Variants in CALHM5 observed in about 807,000 individuals in gnomAD.
The protein encoded by CALHM5 is calcium homeostasis modulator protein 5.
In CALHM5, 17 loss-of-function variants were observed where a neutral mutation model predicts 20.9. The observed-to-expected ratio is 0.82, with a 90% CI of 0.56 to 1.22. CALHM5 has a LOEUF of 1.22. Ranked by LOEUF, CALHM5 falls within the 50% of genes most tolerant of loss-of-function variation. CALHM5 has a pLI of 0.00. For synonymous variants in CALHM5, 148 were observed against 140.0 expected (o/e 1.06, Z -0.40); for missense variants, 360 against 364.6 (o/e 0.99, Z 0.10).
Position 116,515,697 on chromosome 6 carries a change from GT to G in CALHM5, c.643del (p.Trp215GlyfsTer23), listed in dbSNP as rs1562340341. 1 of 1,614,018 alleles carries G rather than the reference GT, an allele frequency of 6.2e-7. No individual in the cohort carries two copies. The highest frequency in any genetic ancestry group is 1.7e-5 in the Admixed American group (1 of 59,994). ...CRSKVSYLQL[S>X]FWKTYAQKEK... ...TCTAAAGTTAGCTACCTTCAGCTGAGTTTTTGGAAGACATATGCACAAAAGG... is the reference window on the plus strand; with the variant it reads ...TCTAAAGTTAGCTACCTTCAGCTGAGTTTTGGAAGACATATGCACAAAAGG... On this transcript the variant is annotated frameshift_variant, in exon 2 of 2. Transcript: ENST00000368599. LOFTEE classifies it high-confidence loss of function.
chr6:116,521,742 A>G lies in CALHM5; in HGVS notation c.*5753A>G, dbSNP rs1772347357. 1 of 152,264 alleles carries G rather than the reference A, an allele frequency of 6.6e-6. No individual in the cohort carries two copies. The highest frequency in any genetic ancestry group is 1.5e-5 in the Non-Finnish European group (1 of 68,094). The allele number at this position is 152,264 out of a possible 1,614,324, so 9.4% of individuals were successfully genotyped here. On this transcript the variant is annotated 3_prime_UTR_variant, in exon 2 of 2. Transcript: ENST00000368599. ...TACCCCTTAATCCAATCAAGTTGAC[A>G]TCTAAAATTAACCAGCACATGTGAT...
At chr6:116,515,455 A>T in intron 1 of CALHM5, 145 bp from the exon 2 acceptor site, 1 of 909,382 alleles carries the variant, frequency 1.1e-6, no homozygotes, top group Non-Finnish European at 1.6e-6. Flanking sequence ...GTGAGTTTAA[A>T]GTGTTTAAAA....
At chr6:116,512,470 G>T in intron 1 of CALHM5, 1 of 507,348 alleles carries the variant, frequency 2.0e-6, no homozygotes, top group South Asian at 3.1e-5. Context: ...AATATCCACT[G>T]GATTGTCCAC....
rs368696549 is a variant in CALHM5 at position 116,519,681 on chromosome 6, C to T, written c.*3692C>T. 3.3e-5 allele frequency: 5 copies of T among 152,188 alleles called. No individual in the cohort carries two copies. In the East Asian group the frequency reaches 5.8e-4, roughly 18 times the overall value. 9.4% of individuals were successfully genotyped at this position (152,188 alleles called of 1,614,324 possible). A position where few individuals can be genotyped will look rare whatever the true frequency, so the allele number is the denominator to read the frequency against. ...TGAAGATCTGGTCTTCTCCCTACCA[C>T]CACTACCCTATTACATAAGAGAAAA... is the stretch of plus-strand genomic sequence containing the variant. On this transcript the variant is annotated 3_prime_UTR_variant, in exon 2 of 2. Transcript: ENST00000368599.
rs1381961507 is a variant in CALHM5 at position 116,523,470 on chromosome 6, A to T, written c.*7481A>T. The T allele has an allele frequency of 6.6e-6, 1 of 152,172 alleles. No homozygotes were observed. Among genetic ancestry groups the T allele is most frequent in the Non-Finnish European group, 1.5e-5 (1 of 68,026 alleles). 9.4% of individuals were successfully genotyped at this position (152,172 alleles called of 1,614,324 possible). ...GCTTATTAATTTTATCTCTCTACTAATTCTTTTATTGTTTGTAGGGCTTTT... is the reference window on the plus strand; with the variant it reads ...GCTTATTAATTTTATCTCTCTACTATTTCTTTTATTGTTTGTAGGGCTTTT... On this transcript the variant is annotated 3_prime_UTR_variant, in exon 2 of 2. Transcript: ENST00000368599.
At chr6:116,515,240 C>G (rs1408319217) in intron 1 of CALHM5, among the ~76,000 whole-genome samples, 1 of 152,058 alleles carries the variant, frequency 6.6e-6, no homozygotes, top group Non-Finnish European at 1.5e-5. Context: ...CTCAAATGAC[C>G]ACATTTACTT....
chr6:116,516,703 ATAT>A lies in CALHM5; in HGVS notation c.*715_*717del. 1.0e-5 allele frequency: 1 copy of A among 98,486 alleles called. No individual in the cohort carries two copies. The highest frequency in any genetic ancestry group is 1.1e-4 in the Admixed American group (1 of 9,140). 6.1% of individuals were successfully genotyped at this position (98,486 alleles called of 1,614,324 possible). A position where few individuals can be genotyped will look rare whatever the true frequency, so the allele number is the denominator to read the frequency against. On this transcript the variant is annotated 3_prime_UTR_variant, in exon 2 of 2. Coordinates refer to ENST00000368599, the MANE Select transcript of CALHM5 (RefSeq NM_153711.5). ...TATATATATATATATATATATATATATATATACACACACACAGAAATATATATT... is the reference window on the plus strand; with the variant it reads ...TATATATATATATATATATATATATAATACACACACACAGAAATATATATT...
In CALHM5 at chr6:116,519,573, A is replaced by G. The variant is rs1772292967; in HGVS notation, c.*3584A>G. ...TGCCATAACAGTCTCTTCTAGGTCT[A>G]GACTTGAAGCATATGGAAGGGTCCT... On this transcript the variant is annotated 3_prime_UTR_variant, in exon 2 of 2. Transcript: ENST00000368599. The G allele has an allele frequency of 6.6e-6, 1 of 152,196 alleles. No homozygotes were observed. 9.4% of individuals were successfully genotyped at this position (152,196 alleles called of 1,614,324 possible). A position where few individuals can be genotyped will look rare whatever the true frequency, so the allele number is the denominator to read the frequency against.
At chr6:116,514,927 G>A (rs988374462) in intron 1 of CALHM5, among the ~76,000 whole-genome samples, 2 of 152,196 alleles carry the variant, frequency 1.3e-5, no homozygotes, top group African/African-American at 4.8e-5. Context: ...AAAAAAGTTA[G>A]AAGATAATTT....
rs1227127884 is a variant in CALHM5, at chr6:116,521,437, C to CAAT, written c.*5450_*5452dup. On this transcript the variant is annotated 3_prime_UTR_variant, in exon 2 of 2. Coordinates refer to ENST00000368599, the MANE Select transcript of CALHM5 (RefSeq NM_153711.5). Reference sequence around the variant, plus strand: ...ACCTGAAGTTTTTATTTCCAAGGGCCAATAGATAAGGAGAATATTGGTGAC... The same window carrying CAAT: ...ACCTGAAGTTTTTATTTCCAAGGGCCAATAATAGATAAGGAGAATATTGGTGAC... 6.6e-6 allele frequency: 1 copy of CAAT among 151,226 alleles called. No homozygotes were observed. The highest frequency in any genetic ancestry group is 2.4e-5 in the African/African-American group (1 of 41,104). The allele number at this position is 151,226 out of a possible 1,614,324, so 9.4% of individuals were successfully genotyped here.
rs944542601 is a variant in CALHM5, at chr6:116,519,145, T to C, written c.*3156T>C. The C allele has an allele frequency of 6.6e-6, 1 of 152,206 alleles. No homozygotes were observed. Among genetic ancestry groups the C allele is most frequent in the Non-Finnish European group, 1.5e-5 (1 of 68,038 alleles). 9.4% of individuals were successfully genotyped at this position (152,206 alleles called of 1,614,324 possible). A position where few individuals can be genotyped will look rare whatever the true frequency, so the allele number is the denominator to read the frequency against. On this transcript the variant is annotated 3_prime_UTR_variant, in exon 2 of 2. Transcript: ENST00000368599. Reference sequence around the variant, plus strand: ...AGAGACTTTAAAATGTGTGGACCATTAGTTGTCTTTGGATGTGCTCCCTAG... The same window carrying C: ...AGAGACTTTAAAATGTGTGGACCATCAGTTGTCTTTGGATGTGCTCCCTAG...
rs1355162509 is a variant in CALHM5 at position 116,515,757 on chromosome 6, A to C, written c.698A>C (p.Tyr233Ser). 6.2e-7 allele frequency: 1 copy of C among 1,614,030 alleles called. No individual in the cohort carries two copies. ...KEQLENTFLD[Y>S]ANKLSERNLK... ...CAGTTGGAAAATACATTTCTGGACT[A>C]TGCCAACAAGCTGAGCGAGAGGAAC... The change falls in exon 2 of 2, where the codon TAT becomes TCT. Residue 233 changes from tyrosine to serine, a missense_variant. By Grantham distance (144) the Tyr-to-Ser change is moderately radical. Transcript: ENST00000368599.
In CALHM5 at chr6:116,512,255, G is replaced by T. The variant is rs373630647; in HGVS notation, c.540+19G>T. On this transcript the variant is annotated intron_variant, in intron 1 of 1. Coordinates refer to ENST00000368599, the MANE Select transcript of CALHM5 (RefSeq NM_153711.5). Reference sequence around the variant, plus strand: ...GTCTCAGGTAAGAAAAGACAAACTCGCCTTTTTCTCTCAGCATGAGCTCGA... The same window carrying T: ...GTCTCAGGTAAGAAAAGACAAACTCTCCTTTTTCTCTCAGCATGAGCTCGA... The T allele has an allele frequency of 1.3e-6, 2 of 1,575,232 alleles. No homozygotes were observed. Among genetic ancestry groups the T allele is most frequent in the Non-Finnish European group, 8.6e-7 (1 of 1,163,968 alleles).
chr6:116,524,693 G>C lies in CALHM5; in HGVS notation c.*8704G>C, dbSNP rs769123648. 2 of 151,932 alleles carry C rather than the reference G, an allele frequency of 1.3e-5. No individual in the cohort carries two copies. Among genetic ancestry groups the C allele is most frequent in the Non-Finnish European group, 2.9e-5 (2 of 67,952 alleles). 9.4% of individuals were successfully genotyped at this position (151,932 alleles called of 1,614,324 possible). On this transcript the variant is annotated 3_prime_UTR_variant, in exon 2 of 2. Coordinates refer to ENST00000368599, the MANE Select transcript of CALHM5 (RefSeq NM_153711.5). ...AAAATGTTAAATAGGCCTTCAGGTA[G>C]GTCTTTTTGGAACGATTTTTCCTGC...
rs754526799 is a variant in CALHM5, at chr6:116,511,765, G to T, written c.69G>T (p.Met23Ile). Residue 23 changes from methionine to isoleucine, a missense_variant, in exon 1 of 2, where the codon ATG (methionine) becomes ATT (isoleucine). Transcript: ENST00000368599. ...AAACTGTTATTGGCTACAGCTTCATGGCTCTGCTGACCGTGGGAAGTGAGC... is the reference window on the plus strand; with the variant it reads ...AAACTGTTATTGGCTACAGCTTCATTGCTCTGCTGACCGTGGGAAGTGAGC... ...NQKTVIGYSF[M>I]ALLTVGSERL... The T allele has an allele frequency of 1.2e-6, 2 of 1,614,014 alleles. No homozygotes were observed. The highest frequency in any genetic ancestry group is 2.2e-5 in the South Asian group (2 of 91,078).
rs1230759086 is a variant in CALHM5, at chr6:116,512,027, C to T, written c.331C>T (p.Pro111Ser). 6.2e-7 allele frequency: 1 copy of T among 1,613,982 alleles called. No homozygotes were observed. Residue 111 changes from proline to serine, a missense_variant, in exon 1 of 2, where the codon CCA (proline) becomes TCA (serine). Pro to Ser is a moderately conservative substitution (Grantham distance 74, BLOSUM62 -1). Coordinates refer to ENST00000368599, the MANE Select transcript of CALHM5 (RefSeq NM_153711.5). ...GQITLSSLVA[P>S]VMWLSVALLN... is the part of the protein sequence containing the mutation. ...GATCACTCTGAGCTCATTGGTGGCT[C>T]CAGTGATGTGGCTTTCTGTGGCTCT...
rs574493373 is a variant in CALHM5, at chr6:116,524,390, A to G, written c.*8401A>G. On this transcript the variant is annotated 3_prime_UTR_variant, in exon 2 of 2. Coordinates refer to ENST00000368599, the MANE Select transcript of CALHM5 (RefSeq NM_153711.5). Reference sequence around the variant, plus strand: ...ATCACCCCCTGCTTAGCTGGAGTTTACCTTCTAGTATCATTCTCAGCAAAG... The same window carrying G: ...ATCACCCCCTGCTTAGCTGGAGTTTGCCTTCTAGTATCATTCTCAGCAAAG... The G allele has an allele frequency of 2.0e-5, 3 of 152,302 alleles. No homozygotes were observed. The South Asian group carries it at 6.2e-4, about 32-fold the overall frequency. 9.4% of individuals were successfully genotyped at this position (152,302 alleles called of 1,614,324 possible).
At chr6:116,513,416 T>C (rs1191509271) in intron 1 of CALHM5, among the ~76,000 whole-genome samples, 1 of 152,226 alleles carries the variant, frequency 6.6e-6, no homozygotes, top group African/African-American at 2.4e-5. Flanking sequence ...ACAACTCTTA[T>C]GACAGAATGA....
In CALHM5 at chr6:116,517,983, C is replaced by G. The variant is rs529548124; in HGVS notation, c.*1994C>G. ...TGAGGAGTGGTGAGCCCAAAGGGGC[C>G]GTGGAAGCTCCGTGCCCCTTCCCCC... On this transcript the variant is annotated 3_prime_UTR_variant, in exon 2 of 2. Coordinates refer to ENST00000368599, the MANE Select transcript of CALHM5 (RefSeq NM_153711.5). 5 of 152,292 alleles carry G rather than the reference C, an allele frequency of 3.3e-5. No homozygotes were observed. The highest frequency in any genetic ancestry group is 5.9e-5 in the Non-Finnish European group (4 of 68,124). The allele number at this position is 152,292 out of a possible 1,614,324, so 9.4% of individuals were successfully genotyped here. A position where few individuals can be genotyped will look rare whatever the true frequency, so the allele number is the denominator to read the frequency against.
Sources: gnomAD v4.1 joint callset for allele counts (sites outside exome capture counted in the v4.1 genomes callset) on GRCh38, gnomAD v4.1.1 for gene constraint, MANE v1.5 for transcripts, NCBI Gene and HGNC (gene_info 2026-07-23, HGNC 2026-07-21) for gene names.